STAU1: variants seen among roughly 807,000 people sequenced by gnomAD.
The protein encoded by STAU1 is staufen double-stranded RNA binding protein 1.
In STAU1, 13 loss-of-function variants were observed where a neutral mutation model predicts 62.9. That is an observed-to-expected ratio of 0.21 (90% CI 0.13 to 0.33). The LOEUF (loss-of-function observed/expected upper bound fraction) is 0.33. Among genes scored for constraint, STAU1 ranks in the 10% least tolerant of loss-of-function variants. STAU1 has a pLI of 1.00. For synonymous variants in STAU1, 269 were observed against 265.1 expected (o/e 1.01, Z -0.14); for missense variants, 571 against 712.1 (o/e 0.80, Z 2.25).
At chr20:49,186,950 A>G (rs1001063771) in intron 1 of STAU1, among the ~76,000 whole-genome samples, 1 of 152,116 alleles carries the variant, frequency 6.6e-6, no homozygotes, top group Non-Finnish European at 1.5e-5. Context: ...AAACTTCCAC[A>G]CAAGCAATAC....
upstream of STAU1, among the ~76,000 whole-genome samples, chr20:49,189,797 T>C (rs348293): frequency 0.72 from 109,545 of 151,866 alleles, 40,176 homozygotes; most frequent in African/African-American, 0.84. Context: ...AATTCTCTCT[T>C]TCTTAAATGT....
chr20:49,172,502 A>G (rs951838903), intron 2 of STAU1, among the ~76,000 whole-genome samples: 5 of 152,214 alleles, frequency 3.3e-5, no homozygotes, highest in African/African-American at 1.2e-4. Flanking sequence ...GTTCTGTGTG[A>G]TATTTTCTTG....
the STAU1 span, among the ~76,000 whole-genome samples, chr20:49,207,525 T>C: frequency 2.6e-5 from 4 of 152,136 alleles, no homozygotes; most frequent in African/African-American, 9.7e-5. Flanking sequence ...GTTTGGTTGG[T>C]TTGTTTTTGA....
the STAU1 span, among the ~76,000 whole-genome samples, chr20:49,209,955 AG>A: frequency 6.6e-6 from 1 of 152,158 alleles, no homozygotes; most frequent in Non-Finnish European, 1.5e-5. Flanking sequence ...AAGCTGAGGC[AG>A]GAGAATCCCT....
At chr20:49,142,931 T>TA (rs2093041332) in intron 5 of STAU1, among the ~76,000 whole-genome samples, 1 of 152,058 alleles carries the variant, frequency 6.6e-6, no homozygotes, top group East Asian at 1.9e-4. Context: ...GCCTCCTCAT[T>TA]AGCTGAGACT....
At chr20:49,161,591 A>G (rs1761065680) in intron 3 of STAU1, among the ~76,000 whole-genome samples, 1 of 152,204 alleles carries the variant, frequency 6.6e-6, no homozygotes, top group African/African-American at 2.4e-5. Context: ...TGCTCACACA[A>G]AAGCCTATAC....
chr20:49,149,794 A>C (rs1250733090), intron 5 of STAU1, among the ~76,000 whole-genome samples: 5 of 151,974 alleles, frequency 3.3e-5, no homozygotes, highest in Non-Finnish European at 5.9e-5. Context: ...AACAAAAGAA[A>C]AACAAATCGC....
At chr20:49,217,708 G>A in the STAU1 span, among the ~76,000 whole-genome samples, 2 of 144,726 alleles carry the variant, frequency 1.4e-5, no homozygotes, top group East Asian at 2.0e-4. Flanking sequence ...TAGGCCAGGC[G>A]CAGTGGCTCA....
intron 3 of STAU1, among the ~76,000 whole-genome samples, chr20:49,159,787 C>A (rs1162293261): frequency 3.3e-5 from 5 of 152,160 alleles, no homozygotes; most frequent in Non-Finnish European, 7.3e-5. Flanking sequence ...GTCTCAAACT[C>A]CTGACCTCAA....
At chr20:49,151,167 A>G (rs1189241591) in intron 5 of STAU1, among the ~76,000 whole-genome samples, 1 of 152,204 alleles carries the variant, frequency 6.6e-6, no homozygotes, top group Non-Finnish European at 1.5e-5. Context: ...TGGCGCTTCT[A>G]TATAATCAAG....
intron 1 of STAU1, among the ~76,000 whole-genome samples, chr20:49,185,425 G>A (rs1365204560): frequency 6.6e-6 from 1 of 152,176 alleles, no homozygotes; most frequent in Non-Finnish European, 1.5e-5. Flanking sequence ...AGGAGCTGAA[G>A]GCATTGGATC....
At chr20:49,127,620 T>C (rs1052822225) in intron 6 of STAU1, among the ~76,000 whole-genome samples, 2 of 151,964 alleles carry the variant, frequency 1.3e-5, no homozygotes, top group African/African-American at 4.8e-5. Flanking sequence ...ACAGGAGAAA[T>C]GCTTGAACCC....
At chr20:49,218,185 A>AT in the STAU1 span, among the ~76,000 whole-genome samples, 43 of 141,954 alleles carry the variant, frequency 3.0e-4, no homozygotes, top group Non-Finnish European at 5.6e-4. Flanking sequence ...AGCAATATAT[A>AT]TTTTTTTAAT....
At chr20:49,134,891 C>T (rs1479592935) in intron 6 of STAU1, 13 of 1,589,266 alleles carry the variant, frequency 8.2e-6, no homozygotes, top group Non-Finnish European at 1.1e-5. Flanking sequence ...ACAGCTAAGG[C>T]AAGAGACTGG....
At chr20:49,159,161 A>C in intron 3 of STAU1, 1 of 1,082,106 alleles carries the variant, frequency 9.2e-7, no homozygotes, top group Non-Finnish European at 1.1e-6. Context: ...AAAAAAAAAA[A>C]CACACAAAGT....
In STAU1 at chr20:49,161,214, C is replaced by T. The variant is rs145805067; in HGVS notation, c.205+4783G>A. Among the ~76,000 whole-genome samples, 1,166 of 151,874 alleles carry T rather than the reference C, an allele frequency of 7.7e-3. 9 individuals are homozygous for T. The highest frequency in any genetic ancestry group is 0.012 in the Non-Finnish European group (841 of 67,948). On this transcript the variant is annotated intron_variant, in intron 3 of 13. Transcript: ENST00000371856. ...TGGTGGCATGCACCTGAGGTCCCAG[C>T]TACTCAGGAGGCCAAGGTGGGAGGA...
the STAU1 span, among the ~76,000 whole-genome samples, chr20:49,212,614 A>AGTTTTTTTTTT: frequency 1.7e-4 from 1 of 5,770 alleles, no homozygotes; most frequent in African/African-American, 3.1e-4. Context: ...AAGCTATTGG[A>AGTTTTTTTTTT]ATTTTTTTTT....
Position 49,117,828 on chromosome 20 carries a change from G to A in STAU1, c.1458C>T (p.Leu486=). The A allele has an allele frequency of 6.2e-7, 1 of 1,614,110 alleles. No individual in the cohort carries two copies. The highest frequency in any genetic ancestry group is 1.1e-5 in the South Asian group (1 of 91,084). Residue 486 remains leucine, a synonymous_variant, in exon 11 of 14, where the codon CTC becomes CTT. Coordinates refer to ENST00000371856, the MANE Select transcript of STAU1 (RefSeq NM_017453.4). This position sits in a 1 kb window ranked among gnomAD's most constrained non-coding sequence, Gnocchi z 4.6. ...ISSGHVPHGP[L]TRPSEQLDYL... is the part of the protein sequence containing the mutation. Reference sequence around the variant, plus strand: ...AGTCCAGTTGCTCAGAGGGTCTCGTGAGAGGTCCATGGGGTACGTGGCCTG... The same window carrying A: ...AGTCCAGTTGCTCAGAGGGTCTCGTAAGAGGTCCATGGGGTACGTGGCCTG...
At chr20:49,201,756 A>G in the STAU1 span, among the ~76,000 whole-genome samples, 43 of 147,952 alleles carry the variant, frequency 2.9e-4, no homozygotes, top group South Asian at 1.1e-3. Context: ...AAAAAAAAAA[A>G]AAAAATGGGG....
Sources: allele counts gnomAD v4.1 joint callset (sites outside exome capture counted in the v4.1 genomes callset), GRCh38; gene constraint gnomAD v4.1.1; non-coding constraint Gnocchi (gnomAD v3.1); transcripts MANE v1.5; gene names NCBI Gene and HGNC (gene_info 2026-07-23, HGNC 2026-07-21).